The following SLIT2 variants were observed in gnomAD, a reference collection of about 807,000 sequenced individuals.
SLIT2 encodes the protein slit homolog 2 protein.
In SLIT2, 41 loss-of-function variants were observed where a neutral mutation model predicts 185.7. The observed-to-expected ratio is 0.22, with a 90% CI of 0.17 to 0.29. The LOEUF (loss-of-function observed/expected upper bound fraction) is 0.29, where lower values mean the gene tolerates loss of function less well. Among genes scored for constraint, SLIT2 ranks in the 10% least tolerant of loss-of-function variants. The probability of loss-of-function intolerance (pLI) is 1.00; values close to 1 mark genes in which losing one functional copy is unlikely to be tolerated. For synonymous variants in SLIT2, 693 were observed against 680.2 expected (o/e 1.02, Z -0.29); for missense variants, 1,571 against 1,909.0 (o/e 0.82, Z 3.30).
Position 20,533,316 on chromosome 4 carries a change from A to T in SLIT2, c.1689-256A>T, listed in dbSNP as rs1257753131. ...GTGTAACCCAATACCTGACCTCAAGAATTTTATACTCCTGGAGACCCTTGG... is the reference window on the plus strand; with the variant it reads ...GTGTAACCCAATACCTGACCTCAAGTATTTTATACTCCTGGAGACCCTTGG... On this transcript the variant is annotated intron_variant, in intron 17 of 36. Coordinates refer to ENST00000504154, the MANE Select transcript of SLIT2 (RefSeq NM_004787.4). 8 of 373,268 alleles carry T rather than the reference A, an allele frequency of 2.1e-5. No homozygotes were observed. The Middle Eastern group carries it at 2.2e-3, about 103-fold the overall frequency. 23.1% of individuals were successfully genotyped at this position (373,268 alleles called of 1,614,324 possible). A position where few individuals can be genotyped will look rare whatever the true frequency, so the allele number is the denominator to read the frequency against.
At chr4:20,379,874 T>A (rs988425372) in intron 4 of SLIT2, among the ~76,000 whole-genome samples, 2 of 152,062 alleles carry the variant, frequency 1.3e-5, no homozygotes, top group African/African-American at 4.8e-5. Context: ...GTAGTATTTT[T>A]AAATAGAAGA....
At chr4:20,504,006 C>T (rs1303056838) in intron 9 of SLIT2, among the ~76,000 whole-genome samples, 1 of 151,978 alleles carries the variant, frequency 6.6e-6, no homozygotes, top group East Asian at 1.9e-4. Context: ...AATTATAAAA[C>T]AAATAATGCT....
In SLIT2 at chr4:20,567,626, A is replaced by T. The variant is rs371266156; in HGVS notation, c.2948+11A>T. On this transcript the variant is annotated intron_variant, in intron 28 of 36. Transcript: ENST00000504154. The stretch of plus-strand genomic sequence containing the variant: ...AGAAGATGGATTCTGGTAGGTCATT[A>T]GTCTATGACCATCTGTGTCTGAAGT... 2 of 1,566,150 alleles carry T rather than the reference A, an allele frequency of 1.3e-6. No individual in the cohort carries two copies.
chr4:20,288,908 G>T (rs1374370652), intron 4 of SLIT2, among the ~76,000 whole-genome samples: 1 of 152,180 alleles, frequency 6.6e-6, no homozygotes, highest in African/African-American at 2.4e-5. Flanking sequence ...GAGAGCATAG[G>T]AGATATCTCC....
At chr4:20,348,842 G>T (rs922053186) in intron 4 of SLIT2, among the ~76,000 whole-genome samples, 1 of 152,206 alleles carries the variant, frequency 6.6e-6, no homozygotes, top group African/African-American at 2.4e-5. Flanking sequence ...TTTACAGAAA[G>T]AAATTACTTG....
rs557320245 is a variant in SLIT2, at chr4:20,547,212, G to T, written c.2345+1113G>T. Among the ~76,000 whole-genome samples the T allele has an allele frequency of 3.9e-5, 6 of 152,206 alleles. No individual in the cohort carries two copies. In the East Asian group the frequency reaches 1.2e-3, roughly 29 times the overall value. On this transcript the variant is annotated intron_variant, in intron 22 of 36. Coordinates refer to ENST00000504154, the MANE Select transcript of SLIT2 (RefSeq NM_004787.4). The stretch of plus-strand genomic sequence containing the variant: ...TCTAAGATGTCTTGTTCTGCTTCTA[G>T]TTATTTATTTGATAGCAGCAAGAAC...
chr4:20,593,647 G>T (rs1727690543), intron 30 of SLIT2, among the ~76,000 whole-genome samples: 1 of 152,046 alleles, frequency 6.6e-6, no homozygotes, highest in African/African-American at 2.4e-5. Flanking sequence ...AAGGAAAAGG[G>T]TAACTATGGG....
chr4:20,560,123 C>G (rs1410825542), intron 26 of SLIT2, among the ~76,000 whole-genome samples: 1 of 151,862 alleles, frequency 6.6e-6, no homozygotes, highest in Non-Finnish European at 1.5e-5. Context: ...AACTTTCCCT[C>G]TAGTTATGCC....
intron 18 of SLIT2, 107 bp downstream of exon 18, chr4:20,533,822 T>A (rs1296883451): frequency 2.3e-6 from 2 of 859,246 alleles, no homozygotes; most frequent in East Asian, 2.5e-5. Context: ...CCCCACTCCC[T>A]CTATCTCTTT....
chr4:20,504,821 G>T (rs1719053803), intron 9 of SLIT2, among the ~76,000 whole-genome samples: 1 of 151,994 alleles, frequency 6.6e-6, no homozygotes, highest in Admixed American at 6.6e-5. Flanking sequence ...GTCAACCTCA[G>T]TCTGAAAATA....
chr4:20,583,652 T>A (rs1449575610), intron 29 of SLIT2, among the ~76,000 whole-genome samples: 1 of 151,492 alleles, frequency 6.6e-6, no homozygotes, highest in Non-Finnish European at 1.5e-5. Context: ...CTACTAAAAG[T>A]ACAAAATTTA....
chr4:20,493,437 C>T (rs1717960683), intron 9 of SLIT2, among the ~76,000 whole-genome samples: 1 of 152,078 alleles, frequency 6.6e-6, no homozygotes. Context: ...CTAAAGGCAC[C>T]ATTAATTTTC....
At chr4:20,382,985 A>G (rs1302300910) in intron 4 of SLIT2, among the ~76,000 whole-genome samples, 1 of 152,206 alleles carries the variant, frequency 6.6e-6, no homozygotes, top group Non-Finnish European at 1.5e-5. Context: ...GTCAAGAAAT[A>G]GCTCATATAT....
intron 34 of SLIT2, among the ~76,000 whole-genome samples, chr4:20,612,990 A>G (rs1168849420): frequency 6.6e-6 from 1 of 152,146 alleles, no homozygotes; most frequent in Non-Finnish European, 1.5e-5. Flanking sequence ...TATTATTAAA[A>G]AGTCAAAAAA....
rs765609608 is a variant in SLIT2 at position 20,399,477 on chromosome 4, A to G, written c.396-68275A>G. ...TAATAATGGTAACTACTTCATAGGT[A>G]TTTGTGAATTTTAATTACGTTAATA... On this transcript the variant is annotated intron_variant, in intron 4 of 36. Coordinates refer to ENST00000504154, the MANE Select transcript of SLIT2 (RefSeq NM_004787.4). 1.6e-3 allele frequency among the ~76,000 whole-genome samples: 244 copies of G among 151,700 alleles called. 3 individuals are homozygous for G. The highest frequency in any genetic ancestry group is 6.0e-4 in the Non-Finnish European group (41 of 67,816).
intron 4 of SLIT2, among the ~76,000 whole-genome samples, chr4:20,362,151 T>C (rs1421131766): frequency 6.6e-6 from 1 of 152,140 alleles, no homozygotes; most frequent in Non-Finnish European, 1.5e-5. Context: ...ATGGCCTTTT[T>C]CCTGAGGTAG....
intron 11 of SLIT2, among the ~76,000 whole-genome samples, chr4:20,518,243 A>G (rs868103733): frequency 3.9e-5 from 4 of 101,910 alleles, no homozygotes; most frequent in African/African-American, 1.4e-4. Flanking sequence ...GTGTGTGTAT[A>G]TATATATATA....
rs146139210 is a variant in SLIT2, at chr4:20,596,492, G to A, written c.3398G>A (p.Gly1133Glu). The A allele has an allele frequency of 3.5e-5, 56 of 1,614,026 alleles. 1 individual carries two copies. The Middle Eastern group carries it at 9.9e-4, about 29-fold the overall frequency. Residue 1133 changes from glycine (G) to glutamate (E), a missense_variant, in exon 32 of 37, where the codon GGA becomes GAA. Gly to Glu is a moderately conservative substitution (Grantham distance 98). Transcript: ENST00000504154. ...TGTGATAATTTTGATTGTCAGAATGGAGCTCAGTGTATCGTCAGAATAAAT... is the reference window on the plus strand; with the variant it reads ...TGTGATAATTTTGATTGTCAGAATGAAGCTCAGTGTATCGTCAGAATAAAT... ...SPCDNFDCQNGAQCIVRINEP... is the reference protein window; with the variant it reads ...SPCDNFDCQNEAQCIVRINEP...
intron 14 of SLIT2, 101 bp downstream of exon 14, chr4:20,524,278 A>G: frequency 3.0e-6 from 3 of 1,013,130 alleles, no homozygotes; most frequent in South Asian, 3.1e-5. Context: ...ACACTGTAGA[A>G]TCATATTTCT....
Sources: gnomAD v4.1 joint callset for allele counts (sites outside exome capture counted in the v4.1 genomes callset) on GRCh38, gnomAD v4.1.1 for gene constraint, MANE v1.5 for transcripts, NCBI Gene and HGNC (gene_info 2026-07-23, HGNC 2026-07-21) for gene names.